Variants in ERO1B observed in about 807,000 individuals in gnomAD.
The protein encoded by ERO1B is ERO1-like protein beta.
ERO1B carries 49 observed loss-of-function variants against 75.3 expected under a neutral mutation model. The observed-to-expected ratio is 0.65, with a 90% CI of 0.52 to 0.83. ERO1B has a LOEUF of 0.83. Ranked by LOEUF, ERO1B falls within the 40% of genes least tolerant of loss-of-function variation. The probability of loss-of-function intolerance (pLI) is 0.00; values close to 1 mark genes in which losing one functional copy is unlikely to be tolerated. For synonymous variants in ERO1B, 191 were observed against 192.9 expected, an observed-to-expected ratio of 0.99 and a Z score of 0.08; for missense variants, 512 against 560.1, an observed-to-expected ratio of 0.91 and a Z score of 0.87.
At chr1:236,232,952 G>A (rs984809451) in intron 8 of ERO1B, 113 bp from the exon 9 acceptor site, 14 of 832,328 alleles carry the variant, frequency 1.7e-5, no homozygotes, top group South Asian at 4.8e-5. Flanking sequence ...ACAAACCTTG[G>A]TCACTGAGTA....
chr1:236,237,509 G>A (rs969292548), intron 6 of ERO1B, among the ~76,000 whole-genome samples: 9 of 152,142 alleles, frequency 5.9e-5, no homozygotes, highest in African/African-American at 2.2e-4. Context: ...AATGGGAAAC[G>A]TGCTTTTCAT....
intron 10 of ERO1B, among the ~76,000 whole-genome samples, chr1:236,227,059 T>A (rs1485103812): frequency 6.6e-6 from 1 of 152,200 alleles, no homozygotes; most frequent in Non-Finnish European, 1.5e-5. Context: ...TCTTGTGGTT[T>A]AGGCTAAGAA....
chr1:236,225,172 C>A (rs763058073), intron 12 of ERO1B, 33 bp from the exon 13 acceptor site: 1 of 1,598,626 alleles, frequency 6.3e-7, no homozygotes, highest in Non-Finnish European at 8.6e-7. Context: ...TTAAGTTACA[C>A]ATGAAAAATC....
At chr1:236,227,058 TTAGGC>T (rs1664297473) in intron 10 of ERO1B, among the ~76,000 whole-genome samples, 1 of 152,174 alleles carries the variant, frequency 6.6e-6, no homozygotes, top group Admixed American at 6.5e-5. Flanking sequence ...TTCTTGTGGT[TTAGGC>T]TAAGAACTTA....
chr1:236,230,088 A>G (rs1664366272), intron 10 of ERO1B, 136 bp downstream of exon 10: 1 of 698,288 alleles, frequency 1.4e-6, no homozygotes, highest in Non-Finnish European at 2.5e-6. Flanking sequence ...CCATATGTTA[A>G]CCTAAAACAC....
At chr1:236,230,611 CAAAAAAA>C (rs397983348) in intron 9 of ERO1B, among the ~76,000 whole-genome samples, 13 of 58,600 alleles carry the variant, frequency 2.2e-4, no homozygotes, top group Non-Finnish European at 4.0e-4. Context: ...GACCCTGTCT[CAAAAAAA>C]AAAAAAAAAA....
chr1:236,232,977 G>A (rs541820756), intron 8 of ERO1B, 138 bp from the exon 9 acceptor site: 10 of 615,058 alleles, frequency 1.6e-5, no homozygotes, highest in Non-Finnish European at 2.7e-5. Flanking sequence ...CCCTGCAAAT[G>A]AGTCCTCTTA....
chr1:236,265,003 C>CA (rs369876800), intron 2 of ERO1B, among the ~76,000 whole-genome samples: 148 of 151,468 alleles, frequency 9.8e-4, no homozygotes, highest in African/African-American at 3.5e-3. Context: ...AATTTATACA[C>CA]AAAAAAGTAA....
intron 5 of ERO1B, among the ~76,000 whole-genome samples, chr1:236,248,807 G>A (rs1370287821): frequency 6.6e-6 from 1 of 151,852 alleles, no homozygotes; most frequent in East Asian, 1.9e-4. Flanking sequence ...ACAGCATAAG[G>A]GATTTTAAAT....
At chr1:236,275,527 C>G (rs1454852083) in intron 1 of ERO1B, among the ~76,000 whole-genome samples, 1 of 152,188 alleles carries the variant, frequency 6.6e-6, no homozygotes, top group Non-Finnish European at 1.5e-5. Flanking sequence ...TCAATGTATT[C>G]CCCAACCCGG....
intron 6 of ERO1B, among the ~76,000 whole-genome samples, chr1:236,236,834 A>C (rs921977272): frequency 1.3e-5 from 2 of 152,212 alleles, no homozygotes; most frequent in South Asian, 4.1e-4. Context: ...TGTATTAAAA[A>C]TAGAGATTTC....
At chr1:236,275,604 T>C (rs1665693751) in intron 1 of ERO1B, among the ~76,000 whole-genome samples, 1 of 152,158 alleles carries the variant, frequency 6.6e-6, no homozygotes, top group South Asian at 2.1e-4. Flanking sequence ...ACCTCTCCCC[T>C]TCCTGCAGAT....
chr1:236,218,242 TA>T lies in ERO1B; in HGVS notation c.*273del, dbSNP rs777058211. The T allele has an allele frequency of 2.6e-4, 47 of 182,296 alleles. No individual in the cohort carries two copies. The highest frequency in any genetic ancestry group is 4.1e-4 in the Non-Finnish European group (37 of 90,374). The allele number at this position is 182,296 out of a possible 1,614,324, so 11.3% of individuals were successfully genotyped here. On this transcript the variant is annotated 3_prime_UTR_variant, in exon 16 of 16. Coordinates refer to ENST00000354619, the MANE Select transcript of ERO1B (RefSeq NM_019891.4). ...AATAGAATAAAAACAAAACCAATTCTAAAAAAAATAGAATTTTCATTACATG... is the reference window on the plus strand; with the variant it reads ...AATAGAATAAAAACAAAACCAATTCTAAAAAAATAGAATTTTCATTACATG...
At chr1:236,254,748 G>C (rs1665120232) in intron 2 of ERO1B, among the ~76,000 whole-genome samples, 1 of 151,978 alleles carries the variant, frequency 6.6e-6, no homozygotes, top group South Asian at 2.1e-4. Context: ...AAGTAGCTGG[G>C]ATTACAGGTG....
chr1:236,253,521 A>G lies in ERO1B; in HGVS notation c.223-16T>C, dbSNP rs1665089977. The G allele has an allele frequency of 1.3e-6, 2 of 1,552,956 alleles. No individual in the cohort carries two copies. Among genetic ancestry groups the G allele is most frequent in the African/African-American group, 1.4e-5 (1 of 73,876 alleles). ...TCAGATTAACCTTGAAAGAAAGAAC[A>G]AAGTTAGTAAACTCATATTATAGTT... On this transcript the variant is annotated splice_polypyrimidine_tract_variant and intron_variant, in intron 2 of 15. Coordinates refer to ENST00000354619, the MANE Select transcript of ERO1B (RefSeq NM_019891.4).
At position 236,281,749 on chromosome 1, in the gene ERO1B, T is replaced by G; in HGVS notation, c.35A>C (p.Gln12Pro). 4 of 1,516,882 alleles carry G rather than the reference T, an allele frequency of 2.6e-6. No homozygotes were observed. Among genetic ancestry groups the G allele is most frequent in the Non-Finnish European group, 3.5e-6 (4 of 1,135,818 alleles). 94.0% of individuals were successfully genotyped at this position (1,516,882 alleles called of 1,614,324 possible). The change falls in exon 1 of 16, where the codon CAG becomes CCG. Residue 12 changes from glutamine to proline, a missense_variant. By Grantham distance (76) the Gln-to-Pro change is moderately conservative. Transcript: ENST00000354619. The part of the protein sequence containing the change: ...SQGVRRAGAG[Q>P]GVAAAVQLLV... ...CAGCTGCACCGCGGCCGCTACCCCC[T>G]GCCCAGCGCCTGCCCGGCGGACCCC...
chr1:236,219,146 G>C (rs1157873223), intron 15 of ERO1B, among the ~76,000 whole-genome samples: 1 of 152,086 alleles, frequency 6.6e-6, no homozygotes, highest in Middle Eastern at 3.2e-3. Flanking sequence ...TACAATTCAG[G>C]GGTGATAGAA....
At chr1:236,227,257 A>G (rs1323890591) in intron 10 of ERO1B, among the ~76,000 whole-genome samples, 1 of 150,152 alleles carries the variant, frequency 6.7e-6, no homozygotes, top group Non-Finnish European at 1.5e-5. Flanking sequence ...ATTTCAACTA[A>G]TTAAAAAAAG....
Position 236,241,318 on chromosome 1 carries a change from C to T in ERO1B, c.505+2104G>A, listed in dbSNP as rs191744796. Among the ~76,000 whole-genome samples, 100 of 152,014 alleles carry T rather than the reference C, an allele frequency of 6.6e-4. No individual in the cohort carries two copies. In the East Asian group the frequency reaches 8.2e-3, roughly 12 times the overall value. On this transcript the variant is annotated intron_variant, in intron 6 of 15. Coordinates refer to ENST00000354619, the MANE Select transcript of ERO1B (RefSeq NM_019891.4). ...CAGCACTGTGGGAGGCCAAGGCAGACGGATCACCTGAGGTCAGGAGTTTGA... is the reference window on the plus strand; with the variant it reads ...CAGCACTGTGGGAGGCCAAGGCAGATGGATCACCTGAGGTCAGGAGTTTGA...
Sources: allele counts gnomAD v4.1 joint callset (sites outside exome capture counted in the v4.1 genomes callset), GRCh38; gene constraint gnomAD v4.1.1; transcripts MANE v1.5; gene names NCBI Gene and HGNC (gene_info 2026-07-23, HGNC 2026-07-21).